The following SHISA9 variants were observed in gnomAD, a reference collection of about 807,000 sequenced individuals.
SHISA9 encodes the protein protein shisa-9.
In SHISA9, 13 loss-of-function variants were observed where a neutral mutation model predicts 38.0. The observed-to-expected ratio is 0.34, with a 90% CI of 0.22 to 0.54. The LOEUF is 0.54. Among genes scored for constraint, SHISA9 ranks in the 20% least tolerant of loss-of-function variants. The pLI is 0.91. For missense variants in SHISA9, 538 were observed against 575.8 expected (o/e 0.93, Z 0.67); for synonymous variants, 275 against 242.0 (o/e 1.14, Z -1.27).
chr16:12,913,841 G>A (rs2071218580), intron 1 of SHISA9, among the ~76,000 whole-genome samples: 1 of 151,960 alleles, frequency 6.6e-6, no homozygotes. Flanking sequence ...AGGTACTAGT[G>A]CTTCATTTCT....
the SHISA9 span, among the ~76,000 whole-genome samples, chr16:13,533,785 T>A: frequency 2.5e-3 from 232 of 91,746 alleles, 1 homozygote; most frequent in African/African-American, 8.6e-3. Context: ...CTCTCAATTT[T>A]TTTTTTTTTT....
the SHISA9 span, among the ~76,000 whole-genome samples, chr16:13,307,509 A>G: frequency 7.9e-5 from 12 of 152,304 alleles, no homozygotes; most frequent in African/African-American, 2.6e-4. Flanking sequence ...ATCAGAAAGC[A>G]CAGGGGCTGA....
the SHISA9 span, among the ~76,000 whole-genome samples, chr16:13,534,645 C>T: frequency 2.8e-4 from 42 of 152,182 alleles, no homozygotes; most frequent in African/African-American, 9.2e-4. Flanking sequence ...ACCACATCTC[C>T]CTGTGTGAAA....
chr16:13,469,951 C>T, the SHISA9 span, among the ~76,000 whole-genome samples: 4 of 152,242 alleles, frequency 2.6e-5, no homozygotes, highest in Middle Eastern at 3.4e-3. Context: ...CACTTATTGT[C>T]ATCTCTTGGG....
the SHISA9 span, among the ~76,000 whole-genome samples, chr16:13,294,953 T>A: frequency 6.6e-6 from 1 of 152,200 alleles, no homozygotes; most frequent in Non-Finnish European, 1.5e-5. Flanking sequence ...GAAACTCCAC[T>A]TACATTAATT....
At chr16:13,387,740 G>A in the SHISA9 span, among the ~76,000 whole-genome samples, 119,082 of 152,044 alleles carry the variant, frequency 0.78, 46,799 homozygotes, top group East Asian at 0.96. Flanking sequence ...TGCCCGCCTC[G>A]GCCTCCCAAA....
chr16:13,303,225 A>G, the SHISA9 span, among the ~76,000 whole-genome samples: 1 of 152,238 alleles, frequency 6.6e-6, no homozygotes, highest in South Asian at 2.1e-4. Context: ...ACTTCTAAGT[A>G]TATACTCAAA....
At chr16:13,428,990 C>T in the SHISA9 span, among the ~76,000 whole-genome samples, 1 of 152,096 alleles carries the variant, frequency 6.6e-6, no homozygotes, top group Non-Finnish European at 1.5e-5. Flanking sequence ...TGATCTCAAA[C>T]TCCCAGCCTC....
At chr16:12,997,353 A>G (rs2072469436) in intron 2 of SHISA9, among the ~76,000 whole-genome samples, 1 of 149,312 alleles carries the variant, frequency 6.7e-6, no homozygotes, top group African/African-American at 2.5e-5. Flanking sequence ...TACTGCAATT[A>G]TCTATATAGT....
intron 2 of SHISA9, among the ~76,000 whole-genome samples, chr16:13,019,941 TTCTTTCTTTCTTTC>T (rs2072825551): frequency 2.4e-5 from 2 of 82,146 alleles, no homozygotes; most frequent in Non-Finnish European, 5.8e-5. Context: ...CTTTCTTTCT[TTCTTTCTTTCTTTC>T]TTTCCCTCCT....
intron 2 of SHISA9, among the ~76,000 whole-genome samples, chr16:12,925,473 G>GTGTGTGTTTA (rs113968316): frequency 9.3e-5 from 14 of 150,604 alleles, no homozygotes; most frequent in African/African-American, 3.4e-4. Context: ...GTGTGTGTGT[G>GTGTGTGTTTA]CAAGCAACAG....
intron 2 of SHISA9, among the ~76,000 whole-genome samples, chr16:13,095,709 T>C (rs186110594): frequency 2.6e-5 from 4 of 152,292 alleles, no homozygotes; most frequent in Admixed American, 2.6e-4. Context: ...CTGTTGACAA[T>C]CTTTTCTCAC....
chr16:13,007,941 G>C (rs1280380825), intron 2 of SHISA9, among the ~76,000 whole-genome samples: 1 of 152,080 alleles, frequency 6.6e-6, no homozygotes, highest in African/African-American at 2.4e-5. Context: ...GACTGTAGCA[G>C]ACACTATTGG....
chr16:13,094,139 T>C (rs1430943809), intron 2 of SHISA9, among the ~76,000 whole-genome samples: 1 of 152,152 alleles, frequency 6.6e-6, no homozygotes, highest in Non-Finnish European at 1.5e-5. Flanking sequence ...AAAGAAAAGA[T>C]TGTCATTGTC....
At chr16:13,530,679 C>A in the SHISA9 span, among the ~76,000 whole-genome samples, 45 of 152,208 alleles carry the variant, frequency 3.0e-4, no homozygotes, top group Non-Finnish European at 5.4e-4. Context: ...TTTGCCCCCC[C>A]AGAACCACTT....
the SHISA9 span, among the ~76,000 whole-genome samples, chr16:13,340,556 G>C: frequency 6.6e-6 from 1 of 152,140 alleles, no homozygotes; most frequent in South Asian, 2.1e-4. Context: ...TCACCCTCTG[G>C]GGAGCTGGAA....
In SHISA9 at chr16:13,013,216, C is replaced by T. The variant is rs376533172; in HGVS notation, c.691+96401C>T. On this transcript the variant is annotated intron_variant, in intron 2 of 4. Transcript: ENST00000558583. ...TGCTCGGTGCTAATGAGCTCTGGAG[C>T]CTACAGCTTTGACCGGAATCACGTC... Among the ~76,000 whole-genome samples the T allele has an allele frequency of 3.0e-4, 45 of 152,256 alleles. No homozygotes were observed. The East Asian group carries it at 3.7e-3, about 12-fold the overall frequency.
intron 2 of SHISA9, among the ~76,000 whole-genome samples, chr16:13,010,385 C>T (rs1236628873): frequency 1.3e-5 from 2 of 152,186 alleles, no homozygotes; most frequent in African/African-American, 4.8e-5. Flanking sequence ...CTTAAACCAA[C>T]AGTATCTTAG....
chr16:13,038,535 T>C (rs2073099395), intron 2 of SHISA9, among the ~76,000 whole-genome samples: 1 of 152,228 alleles, frequency 6.6e-6, no homozygotes, highest in Non-Finnish European at 1.5e-5. Context: ...CTCAGGACTT[T>C]TGCACGTACT....
Sources: gnomAD v4.1 joint callset for allele counts (sites outside exome capture counted in the v4.1 genomes callset) on GRCh38, gnomAD v4.1.1 for gene constraint, MANE v1.5 for transcripts, NCBI Gene and HGNC (gene_info 2026-07-23, HGNC 2026-07-21) for gene names.